Variants in DNER observed in about 807,000 individuals in gnomAD.
DNER encodes delta/notch like EGF repeat containing, also known as delta and Notch-like epidermal growth factor-related receptor.
DNER carries 33 observed loss-of-function variants against 78.2 expected under a neutral mutation model. That is an observed-to-expected ratio of 0.42 (90% CI 0.32 to 0.56). DNER has a LOEUF of 0.56. Ranked by LOEUF, DNER falls within the 20% of genes least tolerant of loss-of-function variation. The probability of loss-of-function intolerance (pLI) is 0.11; values close to 1 mark genes in which losing one functional copy is unlikely to be tolerated. For missense variants in DNER, 918 were observed against 975.3 expected (o/e 0.94, Z 0.78); for synonymous variants, 417 against 384.8 (o/e 1.08, Z -0.98).
intron 4 of DNER, among the ~76,000 whole-genome samples, chr2:229,548,788 C>G (rs1230186084): frequency 6.6e-6 from 1 of 152,000 alleles, no homozygotes; most frequent in African/African-American, 2.4e-5. Flanking sequence ...TTTAAAACTT[C>G]AAGTGGAAAA....
At position 229,584,936 on chromosome 2, in the gene DNER, G is replaced by A. The variant is rs1471407214; in HGVS notation, c.847+922C>T. 2.0e-5 allele frequency among the ~76,000 whole-genome samples: 3 copies of A among 151,272 alleles called. No homozygotes were observed. The East Asian group carries it at 5.8e-4, about 29-fold the overall frequency. ...AGAAGAAGAAAAAGAAAAGAAAACA[G>A]TTAATTGGACACGTGGTAGTTTGAG... is the stretch of plus-strand genomic sequence containing the variant. On this transcript the variant is annotated intron_variant, in intron 4 of 12. Transcript: ENST00000341772.
At chr2:229,677,875 C>T (rs1160934379) in intron 1 of DNER, among the ~76,000 whole-genome samples, 1 of 152,170 alleles carries the variant, frequency 6.6e-6, no homozygotes, top group Admixed American at 6.5e-5. Context: ...TAAACCTGAA[C>T]TCTGACTTTC....
intron 12 of DNER, among the ~76,000 whole-genome samples, chr2:229,359,862 A>G (rs1442825437): frequency 6.6e-6 from 1 of 152,260 alleles, no homozygotes; most frequent in Non-Finnish European, 1.5e-5. Context: ...GCACAAAGGC[A>G]TATGCTATGC....
At chr2:229,399,201 A>G (rs1468300073) in intron 10 of DNER, among the ~76,000 whole-genome samples, 1 of 151,936 alleles carries the variant, frequency 6.6e-6, no homozygotes. Flanking sequence ...AAAACTAGTA[A>G]GTTCAGCAAG....
intron 10 of DNER, among the ~76,000 whole-genome samples, chr2:229,389,460 G>A (rs967995871): frequency 6.6e-6 from 1 of 151,864 alleles, no homozygotes; most frequent in Admixed American, 6.6e-5. Context: ...ACGAGAAAAA[G>A]AAATTTTCAA....
intron 4 of DNER, among the ~76,000 whole-genome samples, chr2:229,572,995 T>C (rs1697242115): frequency 6.6e-6 from 1 of 152,144 alleles, no homozygotes; most frequent in Non-Finnish European, 1.5e-5. Context: ...GGGAACAGTG[T>C]CCTACATGTA....
chr2:229,454,788 G>A (rs1045466206), intron 7 of DNER, among the ~76,000 whole-genome samples: 1 of 151,872 alleles, frequency 6.6e-6, no homozygotes, highest in African/African-American at 2.4e-5. Context: ...GATGAGAATG[G>A]AACTAATACT....
At chr2:229,537,808 C>A (rs1696437717) in intron 5 of DNER, among the ~76,000 whole-genome samples, 2 of 151,676 alleles carry the variant, frequency 1.3e-5, no homozygotes, top group African/African-American at 4.8e-5. Context: ...GCACAATGTG[C>A]AGGTTAGTTA....
At chr2:229,592,810 G>C (rs1056989816) in intron 1 of DNER, among the ~76,000 whole-genome samples, 1 of 152,182 alleles carries the variant, frequency 6.6e-6, no homozygotes. Flanking sequence ...ATCTCTAGCT[G>C]ATATACCCCT....
rs1175874543 is a variant in DNER at position 229,668,421 on chromosome 2, TATA to T, written c.276+45724_276+45726del. The stretch of plus-strand genomic sequence containing the variant: ...AGAATACACATAAAATATTCTTTTA[TATA>T]TATATATATATATATATACACTTAT... On this transcript the variant is annotated intron_variant, in intron 1 of 12. Transcript: ENST00000341772. Among the ~76,000 whole-genome samples the T allele has an allele frequency of 4.3e-3, 5 of 1,172 alleles. No homozygotes were observed. In the Non-Finnish European group the frequency reaches 0.12, roughly 29 times the overall value. The allele number at this position is 1,172 out of a possible 152,430, so 0.8% of individuals were successfully genotyped here.
chr2:229,593,105 C>T (rs1387239140), intron 1 of DNER, among the ~76,000 whole-genome samples: 1 of 152,218 alleles, frequency 6.6e-6, no homozygotes, highest in Non-Finnish European at 1.5e-5. Flanking sequence ...AATCTCAGAT[C>T]AGAGTCAATG....
chr2:229,622,681 A>G (rs1698270251), intron 1 of DNER, among the ~76,000 whole-genome samples: 1 of 152,158 alleles, frequency 6.6e-6, no homozygotes, highest in Admixed American at 6.5e-5. Flanking sequence ...TGATGAGGTC[A>G]TACTAATTAG....
chr2:229,588,178 T>C (rs777330627), intron 3 of DNER, among the ~76,000 whole-genome samples: 107 of 152,260 alleles, frequency 7.0e-4, no homozygotes, highest in Non-Finnish European at 1.3e-3. Context: ...CAGTCCAATT[T>C]CTCAATTCCA....
At chr2:229,605,232 T>G (rs995562902) in intron 1 of DNER, among the ~76,000 whole-genome samples, 1 of 152,012 alleles carries the variant, frequency 6.6e-6, no homozygotes, top group African/African-American at 2.4e-5. Flanking sequence ...ACAAGGATGG[T>G]CACAACAGAG....
Position 229,614,193 on chromosome 2 carries a change from T to A in DNER, c.277-22305A>T, listed in dbSNP as rs933230008. Among the ~76,000 whole-genome samples the A allele has an allele frequency of 7.3e-5, 11 of 151,182 alleles. No homozygotes were observed. In the East Asian group the frequency reaches 7.7e-4, roughly 11 times the overall value. ...AAAGTGTAATAATAATTAAAAAATT[T>A]AAAAAAATAATAATAATAAAATAAA... On this transcript the variant is annotated intron_variant, in intron 1 of 12. Transcript: ENST00000341772.
intron 10 of DNER, among the ~76,000 whole-genome samples, chr2:229,403,415 G>C (rs942093174): frequency 6.6e-6 from 1 of 152,194 alleles, no homozygotes; most frequent in African/African-American, 2.4e-5. Flanking sequence ...TGAGCACACA[G>C]ACATCCTTTA....
chr2:229,372,286 C>T (rs573999478), intron 11 of DNER, among the ~76,000 whole-genome samples: 1 of 152,236 alleles, frequency 6.6e-6, no homozygotes, highest in Non-Finnish European at 1.5e-5. Context: ...CTACAAGGGA[C>T]GAGCTCTTCA....
At chr2:229,622,559 G>A (rs1698268467) in intron 1 of DNER, among the ~76,000 whole-genome samples, 1 of 151,348 alleles carries the variant, frequency 6.6e-6, no homozygotes. Context: ...CACGGACTGT[G>A]TTACAAGCTG....
chr2:229,556,890 C>G (rs1696864813), intron 4 of DNER, among the ~76,000 whole-genome samples: 1 of 152,186 alleles, frequency 6.6e-6, no homozygotes. Flanking sequence ...GCTGTTCACT[C>G]AATAAGAACA....
Sources: allele counts gnomAD v4.1 joint callset (sites outside exome capture counted in the v4.1 genomes callset), GRCh38; gene constraint gnomAD v4.1.1; transcripts MANE v1.5; gene names NCBI Gene and HGNC (gene_info 2026-07-23, HGNC 2026-07-21).